The following TMEM62 variants were observed in gnomAD, a reference collection of about 807,000 sequenced individuals.
TMEM62 encodes the protein transmembrane protein 62.
In TMEM62, 41 loss-of-function variants were observed where a neutral mutation model predicts 70.4. That is an observed-to-expected ratio of 0.58 (90% CI 0.45 to 0.76). The LOEUF (loss-of-function observed/expected upper bound fraction) is 0.76, where lower values mean the gene tolerates loss of function less well. Ranked by LOEUF, TMEM62 falls within the 30% of genes least tolerant of loss-of-function variation. TMEM62 has a pLI of 0.00. For missense variants in TMEM62, 688 were observed against 788.5 expected (o/e 0.87, Z 1.53); for synonymous variants, 268 against 291.0 (o/e 0.92, Z 0.80).
chr15:43,149,427 T>C (rs2037089087), intron 7 of TMEM62, among the ~76,000 whole-genome samples: 1 of 152,172 alleles, frequency 6.6e-6, no homozygotes, highest in African/African-American at 2.4e-5. Context: ...ATGGAGGAGC[T>C]TATGAAAAAT....
chr15:43,167,196 G>A (rs561092664), intron 10 of TMEM62, among the ~76,000 whole-genome samples: 42 of 151,402 alleles, frequency 2.8e-4, no homozygotes, highest in Admixed American at 2.6e-3. Flanking sequence ...CGGACGGGTC[G>A]GCTGGCCGGG....
At chr15:43,148,055 A>T (rs1198287909) in intron 5 of TMEM62, among the ~76,000 whole-genome samples, 1 of 152,230 alleles carries the variant, frequency 6.6e-6, no homozygotes, top group Non-Finnish European at 1.5e-5. Flanking sequence ...TATAACTGTC[A>T]CCACAGTTAA....
Position 43,149,052 on chromosome 15 carries a change from G to T in TMEM62, c.767G>T (p.Gly256Val). 1 of 1,613,930 alleles carries T rather than the reference G, an allele frequency of 6.2e-7. No homozygotes were observed. The highest frequency in any genetic ancestry group is 8.5e-7 in the Non-Finnish European group (1 of 1,179,988). The change falls in exon 7 of 14, where the codon GGA becomes GTA. Residue 256 changes from glycine (G) to valine (V), a missense_variant. By Grantham distance (109) the Gly-to-Val change is moderately radical (BLOSUM62 -3). Transcript: ENST00000260403. ...IMSSAIAYLCGHLHTLGGLMP... is the reference protein window; with the variant it reads ...IMSSAIAYLCVHLHTLGGLMP... ...AGTTCGGCTATAGCTTATTTGTGTG[G>T]ACATCTCCATACACTTGGTGGACTG...
At chr15:43,182,453 C>CTTTT (rs1216767686) in intron 13 of TMEM62, among the ~76,000 whole-genome samples, 1 of 142,140 alleles carries the variant, frequency 7.0e-6, no homozygotes, top group Non-Finnish European at 1.5e-5. Flanking sequence ...CTTTTCTTTT[C>CTTTT]TTTTTTTTTT....
intron 10 of TMEM62, among the ~76,000 whole-genome samples, chr15:43,163,172 G>A (rs1293357843): frequency 1.4e-5 from 2 of 148,048 alleles, no homozygotes; most frequent in African/African-American, 5.1e-5. Context: ...TATCCTGGGT[G>A]TTAGCATAAA....
intron 4 of TMEM62, among the ~76,000 whole-genome samples, chr15:43,144,980 T>C (rs1234584575): frequency 6.6e-6 from 1 of 150,770 alleles, no homozygotes; most frequent in Non-Finnish European, 1.5e-5. Context: ...AATACCAATC[T>C]GAAGAAAAAA....
intron 4 of TMEM62, among the ~76,000 whole-genome samples, chr15:43,141,750 G>C (rs1191361424): frequency 6.6e-6 from 1 of 152,222 alleles, no homozygotes; most frequent in African/African-American, 2.4e-5. Context: ...ATTAAGAACA[G>C]TTGCAATTAA....
At chr15:43,178,259 A>G (rs1313669193) in intron 11 of TMEM62, among the ~76,000 whole-genome samples, 6 of 151,986 alleles carry the variant, frequency 3.9e-5, no homozygotes, top group Non-Finnish European at 8.8e-5. Context: ...AGGTGTGTCC[A>G]TTGCTTTCAG....
intron 13 of TMEM62, 37 bp downstream of exon 13, chr15:43,181,336 A>G: frequency 7.7e-7 from 1 of 1,300,846 alleles, no homozygotes; most frequent in South Asian, 1.2e-5. Context: ...AACATCTTGG[A>G]CTTGTCAGAC....
chr15:43,146,986 C>T (rs1284374516), intron 5 of TMEM62, among the ~76,000 whole-genome samples: 5 of 152,092 alleles, frequency 3.3e-5, no homozygotes, highest in African/African-American at 4.8e-5. Flanking sequence ...TTTTTTGAGA[C>T]GGAGTTTTGC....
In TMEM62 at chr15:43,148,845, C is replaced by T. The variant is rs1338057125; in HGVS notation, c.709C>T (p.Leu237Phe). The change falls in exon 6 of 14, where the codon CTT (leucine) becomes TTT (phenylalanine). Residue 237 changes from leucine to phenylalanine, a missense_variant. Transcript: ENST00000260403. ...TGGACACTTTACAACATCCACTATT[C>T]TTTCTCCATCACCAGGAATCCGGTC... is the stretch of plus-strand genomic sequence containing the variant. ...WFGHFTTSTILSPSPGIRSIM... is the reference protein window; with the variant it reads ...WFGHFTTSTIFSPSPGIRSIM... The T allele has an allele frequency of 6.2e-7, 1 of 1,613,832 alleles. No homozygotes were observed. The highest frequency in any genetic ancestry group is 8.5e-7 in the Non-Finnish European group (1 of 1,179,988).
chr15:43,153,761 C>G lies in TMEM62; in HGVS notation c.1023-911C>G, dbSNP rs562944423. ...ATGTGTTCAATGGACACTTGGGTTG[C>G]TTCTAACTTTTGGCTATATTGAATA... On this transcript the variant is annotated intron_variant, in intron 8 of 13. Transcript: ENST00000260403. Among the ~76,000 whole-genome samples, 101 of 152,168 alleles carry G rather than the reference C, an allele frequency of 6.6e-4. 1 individual carries two copies. The highest frequency in any genetic ancestry group is 2.2e-3 in the African/African-American group (90 of 41,504).
intron 9 of TMEM62, among the ~76,000 whole-genome samples, chr15:43,159,308 G>A (rs904775186): frequency 6.6e-6 from 1 of 152,230 alleles, no homozygotes; most frequent in African/African-American, 2.4e-5. Context: ...TCACTCTGTT[G>A]TGCTATCAAA....
chr15:43,176,244 C>G (rs564934301), intron 11 of TMEM62, among the ~76,000 whole-genome samples: 1 of 152,258 alleles, frequency 6.6e-6, no homozygotes, highest in Non-Finnish European at 1.5e-5. Flanking sequence ...TAGGCTCCAC[C>G]TCTGGGGGCA....
chr15:43,152,488 G>A (rs1161858462), intron 8 of TMEM62, among the ~76,000 whole-genome samples: 1 of 152,082 alleles, frequency 6.6e-6, no homozygotes, highest in African/African-American at 2.4e-5. Context: ...ACTGCCTCCC[G>A]AGTTCAAGCT....
intron 13 of TMEM62, among the ~76,000 whole-genome samples, chr15:43,182,445 T>C (rs1231605883): frequency 1.3e-5 from 2 of 151,172 alleles, no homozygotes; most frequent in African/African-American, 4.8e-5. Flanking sequence ...TTTCTTTTCT[T>C]TTCTTTTCTT....
chr15:43,180,729 A>G (rs1048616115), intron 12 of TMEM62: 1 of 153,294 alleles, frequency 6.5e-6, no homozygotes, highest in Non-Finnish European at 1.5e-5. Flanking sequence ...TACATTCATT[A>G]TATTAACGAG....
At chr15:43,140,040 G>T (rs1373074466) in intron 4 of TMEM62, among the ~76,000 whole-genome samples, 2 of 152,172 alleles carry the variant, frequency 1.3e-5, no homozygotes, top group Non-Finnish European at 2.9e-5. Flanking sequence ...TTCAAAGGAT[G>T]GGCTGACTAT....
intron 9 of TMEM62, among the ~76,000 whole-genome samples, chr15:43,158,811 T>C (rs975272072): frequency 6.6e-6 from 1 of 152,220 alleles, no homozygotes; most frequent in Admixed American, 6.5e-5. Context: ...GTTGGTTCTT[T>C]AGTATCTGCC....
Sources: allele counts gnomAD v4.1 joint callset (sites outside exome capture counted in the v4.1 genomes callset), GRCh38; gene constraint gnomAD v4.1.1; transcripts MANE v1.5; gene names NCBI Gene and HGNC (gene_info 2026-07-23, HGNC 2026-07-21).